The following STK39 variants were observed in gnomAD, a reference collection of about 807,000 sequenced individuals.
STK39 encodes STE20/SPS1-related proline-alanine-rich protein kinase.
STK39 carries 20 observed loss-of-function variants against 77.8 expected under a neutral mutation model. The ratio of observed to expected loss-of-function variants is 0.26; its 90% CI spans 0.18 to 0.37. STK39 has a LOEUF of 0.37. STK39 is among the 10% of genes least tolerant of loss of function. The pLI is 1.00. For missense variants in STK39, 479 were observed against 656.5 expected (o/e 0.73, Z 2.95); for synonymous variants, 246 against 234.1 (o/e 1.05, Z -0.47).
rs1011233566 is a variant in STK39, at chr2:168,105,511, G to A, written c.1089+24030C>T. 5.9e-5 allele frequency among the ~76,000 whole-genome samples: 9 copies of A among 152,342 alleles called. 1 individual carries two copies. The East Asian group carries it at 1.2e-3, about 20-fold the overall frequency. On this transcript the variant is annotated intron_variant, in intron 10 of 17. Coordinates refer to ENST00000355999, the MANE Select transcript of STK39 (RefSeq NM_013233.3). Reference sequence around the variant, plus strand: ...AGTGTGATGTTATCTAATTGGCATAGGAAGAAAGGGCCTTGTGAAAGGGAG... The same window carrying A: ...AGTGTGATGTTATCTAATTGGCATAAGAAGAAAGGGCCTTGTGAAAGGGAG...
At chr2:168,095,518 T>C (rs1317437792) in intron 10 of STK39, among the ~76,000 whole-genome samples, 1 of 148,876 alleles carries the variant, frequency 6.7e-6, no homozygotes, top group East Asian at 2.0e-4. Context: ...CAATCACAAA[T>C]AAAATTGTGG....
chr2:168,084,050 C>T (rs1462940074), intron 10 of STK39, among the ~76,000 whole-genome samples: 1 of 145,240 alleles, frequency 6.9e-6, no homozygotes. Flanking sequence ...AAAAAAAAAA[C>T]TTTCTCTGTG....
At chr2:168,074,859 C>G (rs1686035679) in intron 12 of STK39, 123 bp downstream of exon 12, 4 of 1,149,246 alleles carry the variant, frequency 3.5e-6, no homozygotes, top group African/African-American at 1.6e-5. Context: ...GCAAAGTCCT[C>G]GTGCCTTTCC....
intron 5 of STK39, among the ~76,000 whole-genome samples, chr2:168,156,888 G>A (rs1040940721): frequency 1.3e-5 from 2 of 152,112 alleles, no homozygotes; most frequent in African/African-American, 2.4e-5. Context: ...AGCGCTGCTC[G>A]GGTGCCTTGC....
At chr2:168,125,920 C>A (rs1269331009) in intron 10 of STK39, among the ~76,000 whole-genome samples, 1 of 152,182 alleles carries the variant, frequency 6.6e-6, no homozygotes, top group East Asian at 1.9e-4. Context: ...TGCTAAAGGG[C>A]AGCACTGGTG....
chr2:168,033,673 TC>T (rs1307280604), intron 14 of STK39, among the ~76,000 whole-genome samples: 3 of 152,206 alleles, frequency 2.0e-5, no homozygotes, highest in Admixed American at 6.5e-5. Flanking sequence ...CTTTTCTGAC[TC>T]CTTTCCTATC....
In STK39 at chr2:168,046,256, T is replaced by C. The variant is rs537357991; in HGVS notation, c.1376+17244A>G. Among the ~76,000 whole-genome samples the C allele has an allele frequency of 8.5e-5, 13 of 152,170 alleles. No individual in the cohort carries two copies. In the South Asian group the frequency reaches 2.7e-3, roughly 32 times the overall value. On this transcript the variant is annotated intron_variant, in intron 14 of 17. Coordinates refer to ENST00000355999, the MANE Select transcript of STK39 (RefSeq NM_013233.3). ...TGGTGCATGCCTGTAGTCCCAGCTA[T>C]GTGGGAGGCTGAGGCAGGAGAATTG...
At chr2:168,112,305 T>G (rs1269378613) in intron 10 of STK39, among the ~76,000 whole-genome samples, 1 of 152,014 alleles carries the variant, frequency 6.6e-6, no homozygotes, top group Non-Finnish European at 1.5e-5. Context: ...CCTCATGTGG[T>G]TTGGCTCTGC....
chr2:168,173,162 G>A (rs569785347), intron 2 of STK39, among the ~76,000 whole-genome samples: 1 of 152,248 alleles, frequency 6.6e-6, no homozygotes, highest in Admixed American at 6.5e-5. Flanking sequence ...TGTAATCTAT[G>A]TATGATGTAC....
At chr2:168,097,625 C>T (rs1399622968) in intron 10 of STK39, among the ~76,000 whole-genome samples, 1 of 152,122 alleles carries the variant, frequency 6.6e-6, no homozygotes, top group Non-Finnish European at 1.5e-5. Context: ...GTCCCAGTTA[C>T]TCAGAAGGCT....
chr2:168,045,361 C>G (rs1685212485), intron 14 of STK39, among the ~76,000 whole-genome samples: 2 of 151,956 alleles, frequency 1.3e-5, no homozygotes, highest in African/African-American at 4.8e-5. Flanking sequence ...CACCCACCCC[C>G]ACACCCCCTG....
chr2:168,133,063 C>A (rs1574491054), intron 8 of STK39, among the ~76,000 whole-genome samples: 1 of 152,240 alleles, frequency 6.6e-6, no homozygotes, highest in South Asian at 2.1e-4. Context: ...GAAGTGCCAA[C>A]GTAAGGAGGC....
rs745929216 is a variant in STK39, at chr2:167,955,488, G to A, written c.*8C>T. On this transcript the variant is annotated 3_prime_UTR_variant, in exon 18 of 18. Coordinates refer to ENST00000355999, the MANE Select transcript of STK39 (RefSeq NM_013233.3). ...ATGACAGATCAGGGTGACATCAAGG[G>A]ACATACATCAGCTGACACTCAACTG... is the stretch of plus-strand genomic sequence containing the variant. The A allele has an allele frequency of 1.2e-6, 2 of 1,613,424 alleles. No individual in the cohort carries two copies. The highest frequency in any genetic ancestry group is 2.2e-5 in the South Asian group (2 of 90,986).
At chr2:168,015,817 T>C (rs1482280203) in intron 15 of STK39, among the ~76,000 whole-genome samples, 2 of 152,198 alleles carry the variant, frequency 1.3e-5, no homozygotes, top group South Asian at 2.1e-4. Flanking sequence ...ACAAAATAGA[T>C]AGCTTTTTGA....
chr2:168,132,571 G>A (rs977357387), intron 8 of STK39, among the ~76,000 whole-genome samples: 6 of 152,096 alleles, frequency 3.9e-5, no homozygotes, highest in African/African-American at 1.4e-4. Context: ...TCGTGACAAA[G>A]CACACACTGC....
chr2:167,980,250 G>C (rs1683379079), intron 16 of STK39, among the ~76,000 whole-genome samples: 1 of 152,272 alleles, frequency 6.6e-6, no homozygotes, highest in South Asian at 2.1e-4. Context: ...TTACGATCTT[G>C]TCACATGAAC....
chr2:168,142,527 A>G (rs1294498774), intron 5 of STK39, among the ~76,000 whole-genome samples: 1 of 152,228 alleles, frequency 6.6e-6, no homozygotes, highest in African/African-American at 2.4e-5. Context: ...AAAAGACATA[A>G]TCCAGGTAAA....
At chr2:168,054,126 AAAG>A (rs1685463587) in intron 14 of STK39, among the ~76,000 whole-genome samples, 1 of 152,236 alleles carries the variant, frequency 6.6e-6, no homozygotes, top group Non-Finnish European at 1.5e-5. Context: ...AACATTGTTA[AAAG>A]AATATTTATG....
rs1689603532 is a variant in STK39 at position 168,201,234 on chromosome 2, T to C, written c.209-19144A>G. Among the ~76,000 whole-genome samples the C allele has an allele frequency of 3.3e-5, 5 of 152,366 alleles. 1 individual carries two copies. The South Asian group carries it at 1.0e-3, about 32-fold the overall frequency. ...ATGATGGGACATTCCTTCCGAGATT[T>C]TCTTTTTAAATATTTAAATTCGCAG... is the stretch of plus-strand genomic sequence containing the variant. On this transcript the variant is annotated intron_variant, in intron 1 of 17. Transcript: ENST00000355999.
Sources: allele counts gnomAD v4.1 joint callset (sites outside exome capture counted in the v4.1 genomes callset), GRCh38; gene constraint gnomAD v4.1.1; transcripts MANE v1.5; gene names NCBI Gene and HGNC (gene_info 2026-07-23, HGNC 2026-07-21).